CNGB3: variants seen among roughly 807,000 people sequenced by gnomAD.
CNGB3 encodes cyclic nucleotide-gated channel beta-3.
A neutral mutation model predicts 92.8 loss-of-function variants in CNGB3; 86 were observed. That is an observed-to-expected ratio of 0.93 (90% CI 0.78 to 1.11). The LOEUF is 1.11. Ranked by LOEUF, CNGB3 falls within the 50% of genes least tolerant of loss-of-function variation. The pLI, the probability that CNGB3 is intolerant of heterozygous loss-of-function variation, is 0.00. For synonymous variants in CNGB3, 333 were observed against 332.7 expected, an observed-to-expected ratio of 1.00 and a Z score of -0.01; for missense variants, 1,026 against 956.8, an observed-to-expected ratio of 1.07 and a Z score of -0.95.
At chr8:86,588,972 C>G (rs975644261) in intron 15 of CNGB3, among the ~76,000 whole-genome samples, 2 of 152,080 alleles carry the variant, frequency 1.3e-5, no homozygotes, top group African/African-American at 4.8e-5. Flanking sequence ...TGGTCCTGGA[C>G]TCTTTTTGGT....
chr8:86,739,743 GA>G lies in CNGB3; in HGVS notation c.130-8del, dbSNP rs752460731. The G allele has an allele frequency of 1.2e-6, 2 of 1,610,578 alleles. No individual in the cohort carries two copies. The highest frequency in any genetic ancestry group is 1.7e-4 in the Middle Eastern group (1 of 6,048). Reference sequence around the variant, plus strand: ...CTTCACCTTTGTTTTCTTCCTTTGAGAAAAAACATAGAGATTGTATGTGATG... The same window carrying G: ...CTTCACCTTTGTTTTCTTCCTTTGAGAAAAACATAGAGATTGTATGTGATG... On this transcript the variant is annotated splice_region_variant and splice_polypyrimidine_tract_variant and intron_variant, in intron 1 of 17. Coordinates refer to ENST00000320005, the MANE Select transcript of CNGB3 (RefSeq NM_019098.5).
intron 6 of CNGB3, among the ~76,000 whole-genome samples, chr8:86,665,039 G>T (rs982116475): frequency 6.6e-6 from 1 of 152,130 alleles, no homozygotes; most frequent in Non-Finnish European, 1.5e-5. Flanking sequence ...GTATTTAATT[G>T]TAACTAATTC....
At chr8:86,713,504 C>T (rs1435499866) in intron 3 of CNGB3, among the ~76,000 whole-genome samples, 1 of 152,110 alleles carries the variant, frequency 6.6e-6, no homozygotes, top group African/African-American at 2.4e-5. Context: ...TAGGAACTAG[C>T]TACTGTGATG....
Position 86,575,995 on chromosome 8 carries a change from C to T in CNGB3, c.2239G>A (p.Glu747Lys). 2 of 1,613,992 alleles carry T rather than the reference C, an allele frequency of 1.2e-6. No homozygotes were observed. The highest frequency in any genetic ancestry group is 1.7e-6 in the Non-Finnish European group (2 of 1,179,958). ...TCAGGTCTGTCCAGTGGCTTCTCTT[C>T]TGGCTCTCTTCCTTTATCTTTATCT... is the stretch of plus-strand genomic sequence containing the variant. The part of the protein sequence containing the change: ...NEDKDKGREP[E>K]EKPLDRPECT... The change falls in exon 18 of 18, where the codon GAA becomes AAA. Residue 747 changes from glutamate (E) to lysine (K), a missense_variant. Glu to Lys is a moderately conservative substitution (Grantham distance 56, BLOSUM62 1). Coordinates refer to ENST00000320005, the MANE Select transcript of CNGB3 (RefSeq NM_019098.5).
intron 15 of CNGB3, among the ~76,000 whole-genome samples, chr8:86,596,288 C>T (rs1267714364): frequency 6.6e-6 from 1 of 152,144 alleles, no homozygotes; most frequent in Non-Finnish European, 1.5e-5. Context: ...ATTTGTAATG[C>T]AAATTGGTTC....
At chr8:86,737,622 G>A (rs561928631) in intron 2 of CNGB3, among the ~76,000 whole-genome samples, 1 of 151,984 alleles carries the variant, frequency 6.6e-6, no homozygotes, top group African/African-American at 2.4e-5. Flanking sequence ...GAGTACATGT[G>A]CAGGTTTATT....
intron 15 of CNGB3, among the ~76,000 whole-genome samples, chr8:86,599,074 G>T (rs7013021): frequency 0.16 from 24,889 of 152,104 alleles, 2,710 homozygotes; most frequent in African/African-American, 0.31. Flanking sequence ...AGTCAGGGAC[G>T]CCAAACGGAG....
At chr8:86,586,538 C>T (rs1251020039) in intron 15 of CNGB3, among the ~76,000 whole-genome samples, 1 of 144,890 alleles carries the variant, frequency 6.9e-6, no homozygotes, top group Non-Finnish European at 1.5e-5. Context: ...TTCCTGTGTC[C>T]ATGTGATCTC....
At chr8:86,609,683 C>A (rs1030648361) in intron 14 of CNGB3, among the ~76,000 whole-genome samples, 1 of 152,178 alleles carries the variant, frequency 6.6e-6, no homozygotes, top group Admixed American at 6.5e-5. Flanking sequence ...TACTTGGCAT[C>A]TCCACCTGAT....
In CNGB3 at chr8:86,578,790, G is replaced by T; in HGVS notation, c.2002C>A (p.Pro668Thr). ...AACAGTTTGGGTGTCTCTTCTTTCG[G>T]TGGGAAGAGGAGGGCAAGATCTTTT... Reference protein sequence around the residue: ...PRKDLALLFPPKEETPKLFKT... With the variant: ...PRKDLALLFPTKEETPKLFKT... The change falls in exon 17 of 18, where the codon CCG becomes ACG. Residue 668 changes from proline (P) to threonine (T), a missense_variant. Coordinates refer to ENST00000320005, the MANE Select transcript of CNGB3 (RefSeq NM_019098.5). 2.5e-6 allele frequency: 4 copies of T among 1,614,116 alleles called. No homozygotes were observed. The highest frequency in any genetic ancestry group is 3.4e-6 in the Non-Finnish European group (4 of 1,180,012).
intron 15 of CNGB3, among the ~76,000 whole-genome samples, chr8:86,602,556 T>C (rs1316625987): frequency 6.6e-6 from 1 of 152,190 alleles, no homozygotes; most frequent in African/African-American, 2.4e-5. Context: ...CTATAATTCA[T>C]TAGCAATGGT....
At chr8:86,653,982 T>A in intron 7 of CNGB3, 30 bp downstream of exon 7, 1 of 1,480,042 alleles carries the variant, frequency 6.8e-7, no homozygotes, top group Non-Finnish European at 9.4e-7. Context: ...ATAGATCACG[T>A]GAGCAACTTT....
At chr8:86,717,605 A>T (rs187150204) in intron 3 of CNGB3, among the ~76,000 whole-genome samples, 8 of 151,702 alleles carry the variant, frequency 5.3e-5, no homozygotes, top group African/African-American at 1.9e-4. Context: ...TACTCTACTG[A>T]CAGAACTAGA....
chr8:86,685,601 G>C (rs568204027), intron 3 of CNGB3, among the ~76,000 whole-genome samples: 1 of 152,140 alleles, frequency 6.6e-6, no homozygotes, highest in Admixed American at 6.6e-5. Flanking sequence ...AACGATTCTC[G>C]CAAAACTCAG....
chr8:86,607,112 G>A (rs1261060573), intron 14 of CNGB3, among the ~76,000 whole-genome samples: 1 of 152,212 alleles, frequency 6.6e-6, no homozygotes, highest in East Asian at 1.9e-4. Flanking sequence ...GAAGTACATA[G>A]TGGGTACTTA....
chr8:86,661,407 A>C (rs1227964021), intron 6 of CNGB3: 1 of 448,844 alleles, frequency 2.2e-6, no homozygotes, highest in Non-Finnish European at 4.4e-6. Flanking sequence ...GGAAGAGGAC[A>C]AAAAAATTCC....
intron 3 of CNGB3, among the ~76,000 whole-genome samples, chr8:86,678,504 C>A (rs1464100109): frequency 6.6e-6 from 1 of 152,158 alleles, no homozygotes; most frequent in East Asian, 1.9e-4. Flanking sequence ...TTATGATGCA[C>A]AATTTCCTAA....
chr8:86,669,607 T>A (rs908731097), intron 4 of CNGB3, among the ~76,000 whole-genome samples: 2 of 152,202 alleles, frequency 1.3e-5, no homozygotes, highest in Non-Finnish European at 2.9e-5. Flanking sequence ...CGAAGTATAA[T>A]AACTATGATT....
At chr8:86,619,941 G>A (rs1822693187) in intron 13 of CNGB3, among the ~76,000 whole-genome samples, 1 of 151,790 alleles carries the variant, frequency 6.6e-6, no homozygotes, top group Non-Finnish European at 1.5e-5. Context: ...GGCTGGTTTT[G>A]AGCTCCTGGG....
Sources: gnomAD v4.1 joint callset for allele counts (sites outside exome capture counted in the v4.1 genomes callset) on GRCh38, gnomAD v4.1.1 for gene constraint, MANE v1.5 for transcripts, NCBI Gene and HGNC (gene_info 2026-07-23, HGNC 2026-07-21) for gene names.